RBFOX3: variants seen among roughly 807,000 people sequenced by gnomAD.
RBFOX3 encodes RNA binding protein fox-1 homolog 3.
Under a neutral mutation model 48.7 loss-of-function variants are expected in RBFOX3, and 17 were observed. That is an observed-to-expected ratio of 0.35 (90% confidence interval 0.24 to 0.52). The LOEUF (loss-of-function observed/expected upper bound fraction) is 0.52. RBFOX3 is among the 20% of genes least tolerant of loss of function. The pLI is 0.94. For missense variants in RBFOX3, 382 were observed against 497.5 expected, an observed-to-expected ratio of 0.77 and a Z score of 2.21; for synonymous variants, 212 against 209.5, an observed-to-expected ratio of 1.01 and a Z score of -0.10.
At chr17:79,105,873 T>TG (rs1257935379) in intron 6 of RBFOX3, among the ~76,000 whole-genome samples, 3 of 151,848 alleles carry the variant, frequency 2.0e-5, no homozygotes, top group Non-Finnish European at 4.4e-5. Context: ...CCTGGGAGCC[T>TG]GGGCTGAGCC....
At position 79,421,017 on chromosome 17, in the gene RBFOX3, C is replaced by T. The variant is rs1555722020; in HGVS notation, c.-175+61437G>A. ...GGGGCTTCCCTGCTGAGTGAGCCTCCCCTGGTGGGTTGAGGGGCTTCCCTA... is the reference window on the plus strand; with the variant it reads ...GGGGCTTCCCTGCTGAGTGAGCCTCTCCTGGTGGGTTGAGGGGCTTCCCTA... On this transcript the variant is annotated intron_variant, in intron 2 of 14. Transcript: ENST00000693108. The surrounding 1 kb of genome is among the most constrained non-coding windows in gnomAD (Gnocchi z 4.5). Among the ~76,000 whole-genome samples the T allele has an allele frequency of 6.6e-6, 1 of 151,926 alleles. No homozygotes were observed. The highest frequency in any genetic ancestry group is 1.9e-4 in the East Asian group (1 of 5,146).
chr17:79,355,573 T>C (rs985133587), intron 2 of RBFOX3, among the ~76,000 whole-genome samples: 1 of 151,866 alleles, frequency 6.6e-6, no homozygotes, highest in African/African-American at 2.4e-5. Flanking sequence ...CCCAAGCCTG[T>C]GAATTAATTG....
At chr17:79,623,351 G>GC in the RBFOX3 span, among the ~76,000 whole-genome samples, 1 of 152,166 alleles carries the variant, frequency 6.6e-6, no homozygotes, top group African/African-American at 2.4e-5. Flanking sequence ...TAGAATACTG[G>GC]CCCCAAAATG....
intron 1 of RBFOX3, among the ~76,000 whole-genome samples, chr17:79,593,133 A>G (rs1568440140): frequency 1.3e-5 from 2 of 152,100 alleles, no homozygotes; most frequent in Non-Finnish European, 2.9e-5. Flanking sequence ...AGAAACCCCT[A>G]AGAGAGGAAC....
rs1281982037 is a variant in RBFOX3 at position 79,479,453 on chromosome 17, C to T, written c.-175+3001G>A. On this transcript the variant is annotated intron_variant, in intron 2 of 14. Transcript: ENST00000693108. This position sits in a 1 kb window ranked among gnomAD's most constrained non-coding sequence, Gnocchi z 5.1. The stretch of plus-strand genomic sequence containing the variant: ...CTGCATTGCTCCTTGCTCTGAGGGG[C>T]TTCCTCTCAGAGGGGCTTCCTTCTC... Among the ~76,000 whole-genome samples the T allele has an allele frequency of 1.3e-5, 2 of 152,174 alleles. No individual in the cohort carries two copies. The highest frequency in any genetic ancestry group is 2.9e-5 in the Non-Finnish European group (2 of 68,030).
intron 2 of RBFOX3, among the ~76,000 whole-genome samples, chr17:79,472,763 T>A (rs1319776812): frequency 5.9e-5 from 9 of 152,150 alleles, no homozygotes; most frequent in Non-Finnish European, 8.8e-5. Flanking sequence ...CTGCCCTGGG[T>A]CTGTTGGTCA....
At chr17:79,598,757 T>C in intron 1 of RBFOX3, 1 of 152,280 alleles carries the variant, frequency 6.6e-6, no homozygotes, top group African/African-American at 2.4e-5. Context: ...GAGTTGTTAT[T>C]TGGTGCTTAG....
At chr17:79,590,211 T>C (rs2093377290) in intron 1 of RBFOX3, among the ~76,000 whole-genome samples, 1 of 152,066 alleles carries the variant, frequency 6.6e-6, no homozygotes, top group Admixed American at 6.5e-5. Context: ...GACAAGGCCC[T>C]GATAGGGGAC....
intron 2 of RBFOX3, among the ~76,000 whole-genome samples, chr17:79,322,164 T>C (rs34408436): frequency 0.018 from 2,781 of 151,776 alleles, 38 homozygotes; most frequent in Middle Eastern, 0.041. Flanking sequence ...CAAGAGGACT[T>C]GCAGGTGAGG....
At chr17:79,534,329 T>C (rs2150111140) in intron 1 of RBFOX3, among the ~76,000 whole-genome samples, 1 of 152,250 alleles carries the variant, frequency 6.6e-6, no homozygotes, top group African/African-American at 2.4e-5. Context: ...TCTAGATATT[T>C]CTGAGGCTGT....
chr17:79,630,142 G>A, the RBFOX3 span, among the ~76,000 whole-genome samples: 1 of 152,188 alleles, frequency 6.6e-6, no homozygotes, highest in Admixed American at 6.5e-5. Flanking sequence ...AGCTCACAGG[G>A]GAAGGAAGAC....
intron 1 of RBFOX3, among the ~76,000 whole-genome samples, chr17:79,530,970 G>A (rs1300515205): frequency 5.9e-5 from 9 of 152,232 alleles, no homozygotes; most frequent in African/African-American, 1.9e-4. Flanking sequence ...GAAGGCCGCC[G>A]TGGATGGACG....
At chr17:79,290,181 A>T (rs755101782) in intron 3 of RBFOX3, among the ~76,000 whole-genome samples, 2 of 151,908 alleles carry the variant, frequency 1.3e-5, no homozygotes, top group Non-Finnish European at 2.9e-5. Flanking sequence ...CTGGAAGGGG[A>T]ACCTTCTCAA....
intron 1 of RBFOX3, among the ~76,000 whole-genome samples, chr17:79,575,888 C>A (rs2092842356): frequency 6.6e-6 from 1 of 152,186 alleles, no homozygotes; most frequent in Non-Finnish European, 1.5e-5. Flanking sequence ...TAGGCTGAAA[C>A]CACTGATCCA....
intron 3 of RBFOX3, among the ~76,000 whole-genome samples, chr17:79,292,110 A>G (rs910775366): frequency 6.6e-6 from 1 of 152,048 alleles, no homozygotes; most frequent in Non-Finnish European, 1.5e-5. Context: ...GGTTGCTCTG[A>G]ATTACTATGA....
intron 1 of RBFOX3, among the ~76,000 whole-genome samples, chr17:79,511,437 G>T (rs1232665465): frequency 6.6e-6 from 1 of 152,162 alleles, no homozygotes; most frequent in Non-Finnish European, 1.5e-5. Context: ...TGCAGAGGAG[G>T]AGTCGTGGAA....
chr17:79,468,537 CAGAT>C (rs2076607567), intron 2 of RBFOX3, among the ~76,000 whole-genome samples: 1 of 151,774 alleles, frequency 6.6e-6, no homozygotes, highest in African/African-American at 2.4e-5. Flanking sequence ...AGATCGGTAG[CAGAT>C]AGGCAGGCAG....
chr17:79,374,282 C>T (rs2147741548), intron 2 of RBFOX3, among the ~76,000 whole-genome samples: 1 of 152,302 alleles, frequency 6.6e-6, no homozygotes, highest in South Asian at 2.1e-4. Context: ...GAAGCCGCAG[C>T]TTCCCAGGGC....
chr17:79,203,137 G>A (rs2057011308), intron 4 of RBFOX3, among the ~76,000 whole-genome samples: 1 of 151,530 alleles, frequency 6.6e-6, no homozygotes, highest in African/African-American at 2.4e-5. Context: ...GGCCCCTCGG[G>A]ATAGGATTCT....
Sources: allele counts gnomAD v4.1 joint callset (sites outside exome capture counted in the v4.1 genomes callset), GRCh38; gene constraint gnomAD v4.1.1; non-coding constraint Gnocchi (gnomAD v3.1); transcripts MANE v1.5; gene names NCBI Gene and HGNC (gene_info 2026-07-23, HGNC 2026-07-21).